EYA2: variants seen among roughly 807,000 people sequenced by gnomAD.
EYA2 encodes EYA transcriptional coactivator and phosphatase 2.
Under a neutral mutation model 69.2 loss-of-function variants are expected in EYA2, and 31 were observed. That is an observed-to-expected ratio of 0.45 (90% confidence interval 0.34 to 0.60). The LOEUF is 0.60. Among genes scored for constraint, EYA2 ranks in the 20% least tolerant of loss-of-function variants. The pLI is 0.02. For missense variants in EYA2, 622 were observed against 701.2 expected, an observed-to-expected ratio of 0.89 and a Z score of 1.28; for synonymous variants, 257 against 279.4, an observed-to-expected ratio of 0.92 and a Z score of 0.80.
intron 5 of EYA2, among the ~76,000 whole-genome samples, chr20:47,069,795 T>C (rs554943926): frequency 6.6e-6 from 1 of 152,254 alleles, no homozygotes; most frequent in South Asian, 2.1e-4. Flanking sequence ...ATAGACTTTT[T>C]ATAGTGGTCC....
intron 10 of EYA2, chr20:47,161,232 A>G (rs2034059265): frequency 5.9e-6 from 3 of 511,106 alleles, no homozygotes; most frequent in Non-Finnish European, 1.1e-5. Context: ...TAGCCTCTGC[A>G]CATGGGGACA....
At chr20:46,960,350 G>A (rs915802632) in intron 1 of EYA2, among the ~76,000 whole-genome samples, 1 of 152,210 alleles carries the variant, frequency 6.6e-6, no homozygotes, top group African/African-American at 2.4e-5. Context: ...TCTCAGGACT[G>A]TCTGATGCCA....
At chr20:46,935,970 G>A (rs568032008) in intron 1 of EYA2, among the ~76,000 whole-genome samples, 3 of 152,106 alleles carry the variant, frequency 2.0e-5, no homozygotes, top group African/African-American at 4.8e-5. Flanking sequence ...GCTGACATGC[G>A]GCTCAAGGGC....
intron 7 of EYA2, among the ~76,000 whole-genome samples, chr20:47,087,699 C>T (rs540661142): frequency 6.6e-6 from 1 of 152,284 alleles, no homozygotes; most frequent in South Asian, 2.1e-4. Context: ...ACAAGTGTGA[C>T]AGCCTCTCAG....
intron 1 of EYA2, among the ~76,000 whole-genome samples, chr20:46,919,193 G>A (rs561070173): frequency 2.0e-4 from 30 of 152,316 alleles, no homozygotes; most frequent in African/African-American, 6.7e-4. Flanking sequence ...TGGTAAATGA[G>A]CATTGGCTTC....
intron 5 of EYA2, among the ~76,000 whole-genome samples, chr20:47,064,052 C>G (rs569455821): frequency 6.6e-6 from 1 of 152,290 alleles, no homozygotes; most frequent in African/African-American, 2.4e-5. Context: ...ACTTCCCAGG[C>G]TCAGATGATA....
chr20:47,078,753 AGAAGTT>A (rs2031616018), intron 7 of EYA2, among the ~76,000 whole-genome samples: 1 of 152,282 alleles, frequency 6.6e-6, no homozygotes, highest in African/African-American at 2.4e-5. Flanking sequence ...TTATCTAAAA[AGAAGTT>A]GAAGGATTTT....
intron 8 of EYA2, among the ~76,000 whole-genome samples, chr20:47,090,486 C>T (rs1424296357): frequency 1.3e-5 from 2 of 151,890 alleles, no homozygotes; most frequent in South Asian, 2.1e-4. Flanking sequence ...CTGACCTACC[C>T]GCCTTGGCCT....
intron 9 of EYA2, among the ~76,000 whole-genome samples, chr20:47,104,443 C>T (rs983280765): frequency 3.9e-5 from 6 of 152,042 alleles, no homozygotes; most frequent in Non-Finnish European, 7.4e-5. Flanking sequence ...TTATGAAGTG[C>T]AATTTATGTA....
intron 1 of EYA2, among the ~76,000 whole-genome samples, chr20:46,945,536 G>A (rs906013653): frequency 3.3e-5 from 5 of 152,184 alleles, no homozygotes; most frequent in African/African-American, 1.2e-4. Flanking sequence ...AGAGCCCTGC[G>A]GAAATGCAGG....
chr20:47,101,349 A>T (rs2032417835), intron 9 of EYA2, among the ~76,000 whole-genome samples: 1 of 152,176 alleles, frequency 6.6e-6, no homozygotes, highest in Non-Finnish European at 1.5e-5. Context: ...GGCCTCCCAA[A>T]GTTCTGGGAT....
chr20:47,185,145 AT>A, intron 15 of EYA2, among the ~76,000 whole-genome samples: 2 of 152,100 alleles, frequency 1.3e-5, no homozygotes, highest in Middle Eastern at 6.8e-3. Context: ...TTAGTGGGTG[AT>A]TTGTCTCCAC....
At chr20:46,906,458 A>G (rs1396117545) in intron 1 of EYA2, among the ~76,000 whole-genome samples, 3 of 152,264 alleles carry the variant, frequency 2.0e-5, no homozygotes, top group Non-Finnish European at 2.9e-5. Flanking sequence ...TGGTAAAGTC[A>G]TCTCAGAGTA....
intron 5 of EYA2, among the ~76,000 whole-genome samples, chr20:47,046,295 G>A (rs1160713347): frequency 4.6e-5 from 7 of 152,300 alleles, no homozygotes; most frequent in Admixed American, 2.0e-4. Context: ...TTCATGTTAG[G>A]AATTAGCTTT....
chr20:46,907,890 G>A lies in EYA2; in HGVS notation c.-11+12903G>A, dbSNP rs533862868. 2.6e-5 allele frequency among the ~76,000 whole-genome samples: 4 copies of A among 152,226 alleles called. No homozygotes were observed. The East Asian group carries it at 7.7e-4, about 29-fold the overall frequency. On this transcript the variant is annotated intron_variant, in intron 1 of 15. Transcript: ENST00000327619. ...AAGTGTGCCTGGAGCGACTGTCTAT[G>A]CAAACTCTGACATCAGCTCTAGGCT... is the stretch of plus-strand genomic sequence containing the variant.
intron 9 of EYA2, among the ~76,000 whole-genome samples, chr20:47,126,704 C>G (rs1466069916): frequency 3.9e-5 from 6 of 152,158 alleles, no homozygotes; most frequent in Admixed American, 2.6e-4. Context: ...CAAGCTTTTT[C>G]ATTATTTTAA....
At chr20:47,136,465 A>G (rs76358424) in intron 9 of EYA2, among the ~76,000 whole-genome samples, 2,690 of 152,232 alleles carry the variant, frequency 0.018, 120 homozygotes, top group East Asian at 0.17. Flanking sequence ...CCAACCTCCT[A>G]TAATTCAGAG....
At chr20:46,993,302 T>C (rs1235935213) in intron 2 of EYA2, among the ~76,000 whole-genome samples, 1 of 152,234 alleles carries the variant, frequency 6.6e-6, no homozygotes, top group Non-Finnish European at 1.5e-5. Context: ...GCCCCACTTG[T>C]CTATCCCTGG....
chr20:47,130,643 G>A (rs1422505772), intron 9 of EYA2, among the ~76,000 whole-genome samples: 1 of 152,114 alleles, frequency 6.6e-6, no homozygotes, highest in Non-Finnish European at 1.5e-5. Context: ...CATGACAAAG[G>A]AGTCTGATAC....
Sources: gnomAD v4.1 joint callset for allele counts (sites outside exome capture counted in the v4.1 genomes callset) on GRCh38, gnomAD v4.1.1 for gene constraint, MANE v1.5 for transcripts, NCBI Gene and HGNC (gene_info 2026-07-23, HGNC 2026-07-21) for gene names.